LRRC4C: variants seen among roughly 807,000 people sequenced by gnomAD.
LRRC4C encodes leucine rich repeat containing 4C, also known as leucine-rich repeat-containing protein 4C.
A neutral mutation model predicts 33.6 loss-of-function variants in LRRC4C; 5 were observed. The observed-to-expected ratio is 0.15, with a 90% CI of 0.08 to 0.31. The LOEUF (loss-of-function observed/expected upper bound fraction) is 0.31, where lower values mean the gene tolerates loss of function less well. Among genes scored for constraint, LRRC4C ranks in the 10% least tolerant of loss-of-function variants. The pLI is 1.00. For missense variants in LRRC4C, 560 were observed against 796.7 expected (o/e 0.70, Z 3.58); for synonymous variants, 329 against 302.0 (o/e 1.09, Z -0.93).
intron 2 of LRRC4C, among the ~76,000 whole-genome samples, chr11:40,672,830 G>A (rs1292181711): frequency 1.3e-5 from 2 of 152,022 alleles, no homozygotes; most frequent in Admixed American, 6.6e-5. Flanking sequence ...GTAATATAGC[G>A]GCTGAGATTA....
At chr11:40,202,327 C>A (rs1269227248) in intron 5 of LRRC4C, among the ~76,000 whole-genome samples, 2 of 148,418 alleles carry the variant, frequency 1.3e-5, no homozygotes, top group East Asian at 4.0e-4. Context: ...AGCTGATTAA[C>A]AACTGTGTTC....
intron 2 of LRRC4C, among the ~76,000 whole-genome samples, chr11:40,812,334 A>G (rs1311676950): frequency 6.6e-6 from 1 of 152,218 alleles, no homozygotes; most frequent in African/African-American, 2.4e-5. Flanking sequence ...CTTCTCCTTT[A>G]TAGAATGCAG....
At chr11:41,412,032 A>C (rs1028694281) in intron 1 of LRRC4C, among the ~76,000 whole-genome samples, 2 of 152,268 alleles carry the variant, frequency 1.3e-5, no homozygotes, top group African/African-American at 4.8e-5. Context: ...GATGATAATC[A>C]TACAGGTACA....
chr11:41,234,198 C>T (rs1016769039), intron 1 of LRRC4C, among the ~76,000 whole-genome samples: 5 of 151,930 alleles, frequency 3.3e-5, no homozygotes, highest in Non-Finnish European at 7.4e-5. Context: ...CTGTTCAGTG[C>T]TAAAGAACTT....
chr11:40,964,886 A>C (rs947170742), intron 1 of LRRC4C, among the ~76,000 whole-genome samples: 13 of 152,092 alleles, frequency 8.5e-5, no homozygotes, highest in African/African-American at 2.4e-4. Flanking sequence ...GTATATACCC[A>C]GTAATAGGAT....
At chr11:40,624,275 A>G (rs1962728257) in intron 3 of LRRC4C, among the ~76,000 whole-genome samples, 1 of 152,064 alleles carries the variant, frequency 6.6e-6, no homozygotes, top group Non-Finnish European at 1.5e-5. Context: ...AAATTATAAA[A>G]CTTGGTTATG....
At chr11:41,378,955 A>G (rs940987309) in intron 1 of LRRC4C, among the ~76,000 whole-genome samples, 2 of 148,942 alleles carry the variant, frequency 1.3e-5, no homozygotes, top group African/African-American at 5.0e-5. Context: ...TTCTTTTTTC[A>G]TATTGTCTTG....
chr11:41,103,009 T>G (rs1565385466), intron 1 of LRRC4C, among the ~76,000 whole-genome samples: 1 of 151,652 alleles, frequency 6.6e-6, no homozygotes, highest in Non-Finnish European at 1.5e-5. Context: ...AAAGGTAAAA[T>G]AAAAAAGAAA....
intron 1 of LRRC4C, among the ~76,000 whole-genome samples, chr11:41,333,571 G>T (rs2137395196): frequency 6.6e-6 from 1 of 152,192 alleles, no homozygotes; most frequent in Non-Finnish European, 1.5e-5. Context: ...TTATTCAAAA[G>T]CCCTCCTCCC....
intron 4 of LRRC4C, among the ~76,000 whole-genome samples, chr11:40,275,968 G>A (rs1943072565): frequency 6.6e-6 from 1 of 152,076 alleles, no homozygotes; most frequent in Non-Finnish European, 1.5e-5. Context: ...AATTACTTAT[G>A]CAAAACAGGA....
intron 3 of LRRC4C, among the ~76,000 whole-genome samples, chr11:40,496,017 A>G (rs1443032739): frequency 6.6e-6 from 1 of 151,376 alleles, no homozygotes; most frequent in Non-Finnish European, 1.5e-5. Context: ...TTCAGTAGAG[A>G]CGTGGTTTCA....
intron 1 of LRRC4C, among the ~76,000 whole-genome samples, chr11:41,101,122 G>A (rs1941148489): frequency 6.6e-6 from 1 of 152,070 alleles, no homozygotes; most frequent in South Asian, 2.1e-4. Flanking sequence ...AGTGCCAAAA[G>A]CAATTGCAAC....
At chr11:40,577,229 C>T (rs1958230117) in intron 3 of LRRC4C, among the ~76,000 whole-genome samples, 1 of 152,132 alleles carries the variant, frequency 6.6e-6, no homozygotes, top group Non-Finnish European at 1.5e-5. Flanking sequence ...GCTAACAGGT[C>T]CAATTCTTCT....
At chr11:41,416,088 C>T (rs11036393) in intron 1 of LRRC4C, among the ~76,000 whole-genome samples, 11,959 of 151,886 alleles carry the variant, frequency 0.079, 1,551 homozygotes, top group African/African-American at 0.27. Flanking sequence ...TCATATCCCT[C>T]GGTATTACCA....
At chr11:40,118,367 T>C (rs1855589411) in intron 6 of LRRC4C, among the ~76,000 whole-genome samples, 1 of 152,026 alleles carries the variant, frequency 6.6e-6, no homozygotes, top group Admixed American at 6.6e-5. Context: ...GATATTTTGC[T>C]AAGTAGTGGG....
At chr11:41,381,737 C>T (rs1225683953) in intron 1 of LRRC4C, among the ~76,000 whole-genome samples, 1 of 150,820 alleles carries the variant, frequency 6.6e-6, no homozygotes, top group Non-Finnish European at 1.5e-5. Flanking sequence ...ATAAGAAAAA[C>T]TGAAAATTTA....
At chr11:40,643,612 A>C (rs1942253511) in intron 3 of LRRC4C, among the ~76,000 whole-genome samples, 1 of 152,152 alleles carries the variant, frequency 6.6e-6, no homozygotes, top group Admixed American at 6.5e-5. Context: ...AATGACACCA[A>C]TACCCAACCC....
chr11:40,154,299 AAAAAC>A (rs1565062435), intron 5 of LRRC4C, among the ~76,000 whole-genome samples: 1 of 151,608 alleles, frequency 6.6e-6, no homozygotes, highest in Non-Finnish European at 1.5e-5. Context: ...AAAAAAAAAA[AAAAAC>A]AAAAAGCAAA....
chr11:41,237,006 A>T (rs924359479), intron 1 of LRRC4C, among the ~76,000 whole-genome samples: 1 of 152,226 alleles, frequency 6.6e-6, no homozygotes, highest in African/African-American at 2.4e-5. Context: ...TGAAGTGGAA[A>T]CTATATACGT....
Sources: allele counts gnomAD v4.1 joint callset (sites outside exome capture counted in the v4.1 genomes callset), GRCh38; gene constraint gnomAD v4.1.1; transcripts MANE v1.5; gene names NCBI Gene and HGNC (gene_info 2026-07-23, HGNC 2026-07-21).